Variants in FAM76A observed in about 807,000 individuals in gnomAD.
FAM76A encodes the protein protein FAM76A.
FAM76A carries 32 observed loss-of-function variants against 46.2 expected under a neutral mutation model. The ratio of observed to expected loss-of-function variants is 0.69; its 90% CI spans 0.52 to 0.93. The LOEUF (loss-of-function observed/expected upper bound fraction) is 0.93. Ranked by LOEUF, FAM76A falls within the 40% of genes least tolerant of loss-of-function variation. The pLI, the probability that FAM76A is intolerant of heterozygous loss-of-function variation, is 0.00. For synonymous variants in FAM76A, 137 were observed against 127.0 expected, an observed-to-expected ratio of 1.08 and a Z score of -0.53; for missense variants, 274 against 361.5, an observed-to-expected ratio of 0.76 and a Z score of 1.96.
intron 2 of FAM76A, among the ~76,000 whole-genome samples, chr1:27,730,817 G>T (rs1273607952): frequency 2.6e-5 from 4 of 152,106 alleles, no homozygotes; most frequent in Admixed American, 2.6e-4. Flanking sequence ...GAATAGACTA[G>T]TTTTTTGTGT....
chr1:27,751,877 C>T (rs1336266319), intron 6 of FAM76A, among the ~76,000 whole-genome samples: 1 of 151,900 alleles, frequency 6.6e-6, no homozygotes, highest in Admixed American at 6.6e-5. Flanking sequence ...AATTATGGCT[C>T]ACTGCAGCCT....
intron 1 of FAM76A, 129 bp downstream of exon 1, chr1:27,726,290 G>T: frequency 1.2e-6 from 1 of 813,368 alleles, no homozygotes. Context: ...CTGAGGAGCC[G>T]CACCCACCCC....
chr1:27,756,823 G>A (rs999304148), intron 7 of FAM76A, among the ~76,000 whole-genome samples: 15 of 151,946 alleles, frequency 9.9e-5, no homozygotes, highest in African/African-American at 3.4e-4. Context: ...ACTTTGGGAG[G>A]CTGAAGCAGG....
At position 27,726,103 on chromosome 1, in the gene FAM76A, C is replaced by T; in HGVS notation, c.23C>T (p.Thr8Ile). 7.7e-7 allele frequency: 1 copy of T among 1,297,722 alleles called. No homozygotes were observed. Among genetic ancestry groups the T allele is most frequent in the Non-Finnish European group, 9.8e-7 (1 of 1,017,302 alleles). The allele number at this position is 1,297,722 out of a possible 1,614,324, so 80.4% of individuals were successfully genotyped here. ...GACATGGCGGCGCTCTACGCCTGCA[C>T]CAAGTGCCACCAGCGCTTCCCCTTC... is the stretch of plus-strand genomic sequence containing the variant. MAALYACTKCHQRFPFEA... is the reference protein window; with the variant it reads MAALYACIKCHQRFPFEA... The change falls in exon 1 of 9, where the codon ACC (threonine) becomes ATC (isoleucine). Residue 8 changes from threonine (T) to isoleucine (I), a missense_variant. By Grantham distance (89) the Thr-to-Ile change is moderately conservative. Transcript: ENST00000373954.
chr1:27,727,800 A>ATTT (rs10716346), intron 2 of FAM76A, among the ~76,000 whole-genome samples: 6 of 64,538 alleles, frequency 9.3e-5, no homozygotes, highest in East Asian at 4.1e-4. Context: ...GATTGCTTAA[A>ATTT]TTTTTTTTTT....
chr1:27,734,789 G>A (rs976892128), intron 4 of FAM76A, among the ~76,000 whole-genome samples: 17 of 152,316 alleles, frequency 1.1e-4, no homozygotes, highest in African/African-American at 4.1e-4. Flanking sequence ...AGATGGAGTG[G>A]CATTACCAGT....
chr1:27,754,440 G>T (rs1187255742), intron 6 of FAM76A, among the ~76,000 whole-genome samples: 1 of 152,170 alleles, frequency 6.6e-6, no homozygotes, highest in Non-Finnish European at 1.5e-5. Context: ...TCTGCTAAAA[G>T]GACATGGAGT....
At chr1:27,736,461 C>G (rs554453572) in intron 4 of FAM76A, among the ~76,000 whole-genome samples, 5 of 152,300 alleles carry the variant, frequency 3.3e-5, no homozygotes, top group African/African-American at 1.2e-4. Context: ...AGGGGATGAT[C>G]AGATCTTAGT....
intron 2 of FAM76A, among the ~76,000 whole-genome samples, chr1:27,729,335 A>G (rs1449620423): frequency 1.3e-5 from 2 of 151,506 alleles, no homozygotes; most frequent in African/African-American, 4.9e-5. Context: ...AGCCTCCCAT[A>G]TAGCTGGGAC....
At chr1:27,727,999 G>A (rs1186009793) in intron 2 of FAM76A, among the ~76,000 whole-genome samples, 8 of 151,770 alleles carry the variant, frequency 5.3e-5, no homozygotes, top group African/African-American at 1.7e-4. Context: ...TAGTAGACGG[G>A]GTTTCACCAT....
intron 4 of FAM76A, among the ~76,000 whole-genome samples, chr1:27,737,355 T>C (rs2088066932): frequency 6.6e-6 from 1 of 152,084 alleles, no homozygotes; most frequent in Non-Finnish European, 1.5e-5. Flanking sequence ...TTTAGTAGAG[T>C]TGTATTGTTT....
At chr1:27,748,990 T>A (rs1450731407) in intron 5 of FAM76A, 78 bp from the exon 6 acceptor site, 8 of 903,190 alleles carry the variant, frequency 8.9e-6, no homozygotes, top group Non-Finnish European at 1.4e-5. Context: ...AACATTGGTC[T>A]ATTTGACAGA....
chr1:27,751,938 G>C (rs2088339591), intron 6 of FAM76A, among the ~76,000 whole-genome samples: 1 of 151,966 alleles, frequency 6.6e-6, no homozygotes, highest in Non-Finnish European at 1.5e-5. Context: ...CAAGTAGCTG[G>C]GACTACAGGC....
intron 7 of FAM76A, among the ~76,000 whole-genome samples, chr1:27,756,512 A>G (rs561237658): frequency 1.1e-4 from 17 of 151,950 alleles, no homozygotes; most frequent in Admixed American, 3.3e-4. Context: ...GCTGGTCTCG[A>G]ACTCCTCATC....
chr1:27,733,889 G>A (rs1016118524), intron 3 of FAM76A, 142 bp from the exon 4 acceptor site: 2 of 798,328 alleles, frequency 2.5e-6, no homozygotes, highest in African/African-American at 3.7e-5. Context: ...GCTTCATTTG[G>A]TCAATATAAA....
At chr1:27,739,616 G>A (rs868207202) in intron 4 of FAM76A, among the ~76,000 whole-genome samples, 2 of 151,972 alleles carry the variant, frequency 1.3e-5, no homozygotes, top group African/African-American at 2.4e-5. Context: ...GCAAAAGCCC[G>A]TCTCTATAAA....
intron 1 of FAM76A, 34 bp from the exon 2 acceptor site, chr1:27,727,438 T>C: frequency 6.3e-7 from 1 of 1,590,884 alleles, no homozygotes; most frequent in Non-Finnish European, 8.6e-7. Context: ...CATTTGTGAC[T>C]GCCTTTTAAA....
intron 4 of FAM76A, chr1:27,740,567 G>A: frequency 9.7e-7 from 1 of 1,035,156 alleles, no homozygotes; most frequent in Non-Finnish European, 1.5e-6. Context: ...CCCCAGATCT[G>A]TGATTGACTT....
intron 4 of FAM76A, among the ~76,000 whole-genome samples, chr1:27,735,095 C>T (rs2088022923): frequency 6.6e-6 from 1 of 152,222 alleles, no homozygotes; most frequent in African/African-American, 2.4e-5. Flanking sequence ...CTCCAGCCAT[C>T]CTGGCCACCC....
Sources: gnomAD v4.1 joint callset for allele counts (sites outside exome capture counted in the v4.1 genomes callset) on GRCh38, gnomAD v4.1.1 for gene constraint, MANE v1.5 for transcripts, NCBI Gene and HGNC (gene_info 2026-07-23, HGNC 2026-07-21) for gene names.